ADARB2: variants seen among roughly 807,000 people sequenced by gnomAD.
The protein encoded by ADARB2 is adenosine deaminase RNA specific B2 (inactive), also known as inactive double-stranded RNA-specific editase B2.
In ADARB2, 25 loss-of-function variants were observed where a neutral mutation model predicts 62.2. That is an observed-to-expected ratio of 0.40 (90% confidence interval 0.29 to 0.56). The LOEUF (loss-of-function observed/expected upper bound fraction) is 0.56. Ranked by LOEUF, ADARB2 falls within the 20% of genes least tolerant of loss-of-function variation. The pLI is 0.43. For missense variants in ADARB2, 1,071 were observed against 1,077.4 expected, an observed-to-expected ratio of 0.99 and a Z score of 0.08; for synonymous variants, 572 against 500.8, an observed-to-expected ratio of 1.14 and a Z score of -1.90.
intron 1 of ADARB2, among the ~76,000 whole-genome samples, chr10:1,736,667 G>C (rs1835305980): frequency 6.6e-6 from 1 of 152,158 alleles, no homozygotes; most frequent in African/African-American, 2.4e-5. Context: ...TCGTTCCCCC[G>C]TTTTTGGGTA....
intron 1 of ADARB2, among the ~76,000 whole-genome samples, chr10:1,643,279 C>A (rs1486239646): frequency 6.6e-6 from 1 of 152,216 alleles, no homozygotes; most frequent in African/African-American, 2.4e-5. Flanking sequence ...GCTGGAATTT[C>A]CCTTTTGCAG....
At chr10:1,317,552 T>G (rs1300588878) in intron 3 of ADARB2, among the ~76,000 whole-genome samples, 1 of 152,236 alleles carries the variant, frequency 6.6e-6, no homozygotes, top group Non-Finnish European at 1.5e-5. Flanking sequence ...AGATCACTTC[T>G]GGGAAGACAT....
intron 7 of ADARB2, among the ~76,000 whole-genome samples, chr10:1,209,570 AT>A (rs1837120633): frequency 8.8e-6 from 1 of 113,240 alleles, no homozygotes; most frequent in South Asian, 4.1e-4. Context: ...CACCCACATC[AT>A]CACCCACACT....
intron 2 of ADARB2, among the ~76,000 whole-genome samples, chr10:1,377,147 T>C (rs563764348): frequency 9.0e-4 from 93 of 103,528 alleles, no homozygotes; most frequent in African/African-American, 2.8e-3. Context: ...GTGTGTGTGT[T>C]TGTGTGTGCT....
At chr10:1,321,600 G>A (rs1389382806) in intron 3 of ADARB2, among the ~76,000 whole-genome samples, 2 of 152,054 alleles carry the variant, frequency 1.3e-5, no homozygotes. Context: ...GCCCAGGCTG[G>A]TCTCAAATTC....
chr10:1,642,991 G>A (rs974601095), intron 1 of ADARB2, among the ~76,000 whole-genome samples: 5 of 152,224 alleles, frequency 3.3e-5, no homozygotes, highest in African/African-American at 1.2e-4. Flanking sequence ...CCCACTGTGT[G>A]CAAGCGCAGG....
intron 1 of ADARB2, among the ~76,000 whole-genome samples, chr10:1,465,062 C>T (rs920260397): frequency 1.3e-5 from 2 of 152,230 alleles, no homozygotes; most frequent in East Asian, 1.9e-4. Flanking sequence ...CACGACCCAG[C>T]CATGCCCAGG....
chr10:1,695,306 C>T (rs771453715), intron 1 of ADARB2, among the ~76,000 whole-genome samples: 1 of 152,120 alleles, frequency 6.6e-6, no homozygotes, highest in African/African-American at 2.4e-5. Flanking sequence ...CCCTTACCAG[C>T]GGTGCAGCTC....
At chr10:1,589,299 C>G (rs113366756) in intron 1 of ADARB2, among the ~76,000 whole-genome samples, 6 of 152,134 alleles carry the variant, frequency 3.9e-5, no homozygotes, top group Non-Finnish European at 7.4e-5. Flanking sequence ...TGGAAAGGTG[C>G]GGACCCTGCC....
At chr10:1,623,656 G>C (rs1458680480) in intron 1 of ADARB2, among the ~76,000 whole-genome samples, 2 of 152,192 alleles carry the variant, frequency 1.3e-5, no homozygotes, top group African/African-American at 2.4e-5. Context: ...TCTGTCATCA[G>C]TGCGATTGCA....
Position 1,635,402 on chromosome 10 carries a change from A to G in ADARB2, c.100+101649T>C, listed in dbSNP as rs1047707569. On this transcript the variant is annotated intron_variant, in intron 1 of 9. Transcript: ENST00000381312. ...CTTAGAATACGTCTGCAAGATCTTC[A>G]TCTAAGACGGTATGAGCCTTGAGAC... Among the ~76,000 whole-genome samples the G allele has an allele frequency of 3.3e-5, 5 of 152,328 alleles. No homozygotes were observed. The East Asian group carries it at 5.8e-4, about 18-fold the overall frequency.
chr10:1,264,312 G>C lies in ADARB2; in HGVS notation c.1192+6643C>G, dbSNP rs530275079. Among the ~76,000 whole-genome samples, 31 of 152,286 alleles carry C rather than the reference G, an allele frequency of 2.0e-4. No homozygotes were observed. In the South Asian group the frequency reaches 6.0e-3, roughly 30 times the overall value. On this transcript the variant is annotated intron_variant, in intron 4 of 9. Coordinates refer to ENST00000381312, the MANE Select transcript of ADARB2 (RefSeq NM_018702.4). ...CCTTGCTTTTAATTTTAAGATCAAAGTGACTGCCAGTCATTCAGGGGAGAC... is the reference window on the plus strand; with the variant it reads ...CCTTGCTTTTAATTTTAAGATCAAACTGACTGCCAGTCATTCAGGGGAGAC...
chr10:1,505,909 A>G (rs996955490), intron 1 of ADARB2, among the ~76,000 whole-genome samples: 2 of 152,236 alleles, frequency 1.3e-5, no homozygotes, highest in Non-Finnish European at 2.9e-5. Context: ...GTAATAAATA[A>G]TCTTTCAATG....
chr10:1,293,165 A>AG (rs1188795026), intron 3 of ADARB2, among the ~76,000 whole-genome samples: 41 of 38,410 alleles, frequency 1.1e-3, no homozygotes, highest in Non-Finnish European at 2.0e-3. Context: ...GAGGGTAAGA[A>AG]GGGGGGAGAG....
intron 1 of ADARB2, among the ~76,000 whole-genome samples, chr10:1,384,180 C>T (rs1435680834): frequency 6.6e-6 from 1 of 152,176 alleles, no homozygotes; most frequent in Non-Finnish European, 1.5e-5. Flanking sequence ...CTAAAAGCCC[C>T]AGGGATAGAC....
At chr10:1,399,282 CCT>C (rs895921206) in intron 1 of ADARB2, among the ~76,000 whole-genome samples, 1 of 152,280 alleles carries the variant, frequency 6.6e-6, no homozygotes, top group African/African-American at 2.4e-5. Context: ...GAGATCTCCT[CCT>C]CTCTCAGAAA....
At chr10:1,560,044 G>T (rs555252750) in intron 1 of ADARB2, among the ~76,000 whole-genome samples, 2 of 152,264 alleles carry the variant, frequency 1.3e-5, no homozygotes, top group Admixed American at 6.5e-5. Context: ...CTAGGACAAA[G>T]GTTAAGATGT....
intron 1 of ADARB2, among the ~76,000 whole-genome samples, chr10:1,390,540 G>T (rs550516229): frequency 1.3e-5 from 2 of 152,148 alleles, no homozygotes; most frequent in East Asian, 1.9e-4. Flanking sequence ...AAGAATTGTT[G>T]AATCTATAAA....
chr10:1,611,195 T>A (rs1475654807), intron 1 of ADARB2, among the ~76,000 whole-genome samples: 1 of 152,100 alleles, frequency 6.6e-6, no homozygotes, highest in African/African-American at 2.4e-5. Flanking sequence ...GGCTGGGGGC[T>A]CTCTCAGGCC....
Sources: gnomAD v4.1 joint callset for allele counts (sites outside exome capture counted in the v4.1 genomes callset) on GRCh38, gnomAD v4.1.1 for gene constraint, MANE v1.5 for transcripts, NCBI Gene and HGNC (gene_info 2026-07-23, HGNC 2026-07-21) for gene names.